ANKRD61: variants seen among roughly 807,000 people sequenced by gnomAD.
ANKRD61 encodes the protein ankyrin repeat domain 61, also known as ankyrin repeat domain-containing protein 61.
Under a neutral mutation model 8.4 loss-of-function variants are expected in ANKRD61, and 7 were observed. That is an observed-to-expected ratio of 0.84 (90% CI 0.48 to 1.57). The LOEUF is 1.57. Ranked by LOEUF, ANKRD61 falls within the 40% of genes most tolerant of loss-of-function variation. ANKRD61 has a pLI of 0.00. For missense variants in ANKRD61, 516 were observed against 523.4 expected (o/e 0.99, Z 0.14); for synonymous variants, 198 against 208.0 (o/e 0.95, Z 0.41).
chr7:6,031,496 T>G lies in ANKRD61; in HGVS notation c.121T>G (p.Cys41Gly). ...CTATGAAGCCATCATGAGAGAAGACTGCACTACGATCGAGGTACTCCTGAG... is the reference window on the plus strand; with the variant it reads ...CTATGAAGCCATCATGAGAGAAGACGGCACTACGATCGAGGTACTCCTGAG... Reference protein sequence around the residue: ...KLYEAIMREDCTTIEVLLRNH... With the variant: ...KLYEAIMREDGTTIEVLLRNH... Residue 41 changes from cysteine to glycine, a missense_variant, in exon 1 of 3, where the codon TGC (cysteine) becomes GGC (glycine). Physicochemically the swap from Cys to Gly is radical, Grantham distance 159. Coordinates refer to ENST00000409061, the MANE Select transcript of ANKRD61 (RefSeq NM_001271700.2). 1 of 1,550,720 alleles carries G rather than the reference T, an allele frequency of 6.4e-7. No homozygotes were observed. Among genetic ancestry groups the G allele is most frequent in the Non-Finnish European group, 8.7e-7 (1 of 1,147,006 alleles).
Position 6,033,918 on chromosome 7 carries a change from G to A in ANKRD61, c.314+982G>A, listed in dbSNP as rs1327710350. On this transcript the variant is annotated intron_variant, in intron 2 of 2. Coordinates refer to ENST00000409061, the MANE Select transcript of ANKRD61 (RefSeq NM_001271700.2). This position sits in a 1 kb window ranked among gnomAD's most constrained non-coding sequence, Gnocchi z 4.4. ...CTCTCCACTAGAAGGTAAGCCGCAT[G>A]AAAGAGAAGTTGACCTTGTGCACCA... Among the ~76,000 whole-genome samples, 2 of 152,142 alleles carry A rather than the reference G, an allele frequency of 1.3e-5. No individual in the cohort carries two copies. Among genetic ancestry groups the A allele is most frequent in the Admixed American group, 6.5e-5 (1 of 15,272 alleles).
Position 6,032,399 on chromosome 7 carries a change from G to T in ANKRD61, c.217-440G>T, listed in dbSNP as rs537766595. On this transcript the variant is annotated intron_variant, in intron 1 of 2. Transcript: ENST00000409061. This position sits in a 1 kb window ranked among gnomAD's most constrained non-coding sequence, Gnocchi z 4.3. ...TCTGCTAATCATAGACAGAACATAT[G>T]CTGCGTTATATTTGAAAACCCTGAA... Among the ~76,000 whole-genome samples, 48 of 152,270 alleles carry T rather than the reference G, an allele frequency of 3.2e-4. No homozygotes were observed. The highest frequency in any genetic ancestry group is 1.2e-3 in the African/African-American group (48 of 41,564).
rs746620017 is a variant in ANKRD61 at position 6,032,926 on chromosome 7, CCAGAAGT to C, written c.308_314del (p.Glu103GlyfsTer11). Reference sequence around the variant, plus strand: ...CTGCCTGTTACGGCACGGTGCTGACCCAGAAGTCAGGTAAGTTAACTCCACCGAAAAT... The same window carrying C: ...CTGCCTGTTACGGCACGGTGCTGACCCAGGTAAGTTAACTCCACCGAAAAT... On this transcript the variant is annotated frameshift_variant, in exon 2 of 3. Transcript: ENST00000409061. LOFTEE classifies it low-confidence loss of function (END_TRUNC). This position sits in a 1 kb window ranked among gnomAD's most constrained non-coding sequence, Gnocchi z 4.3. 1.6e-5 allele frequency: 25 copies of C among 1,550,034 alleles called. No individual in the cohort carries two copies. The South Asian group carries it at 3.0e-4, about 18-fold the overall frequency.
Position 6,036,429 on chromosome 7 carries a change from T to C in ANKRD61, c.*43T>C. The stretch of plus-strand genomic sequence containing the variant: ...TCACAGCAGAGGGACTTTCAGCCAC[T>C]CAAACTGCATTTTCTGGCTAGACAT... On this transcript the variant is annotated 3_prime_UTR_variant, in exon 3 of 3. Coordinates refer to ENST00000409061, the MANE Select transcript of ANKRD61 (RefSeq NM_001271700.2). This position sits in a 1 kb window ranked among gnomAD's most constrained non-coding sequence, Gnocchi z 4.6. 7.3e-7 allele frequency: 1 copy of C among 1,375,626 alleles called. No individual in the cohort carries two copies. Among genetic ancestry groups the C allele is most frequent in the Non-Finnish European group, 9.5e-7 (1 of 1,048,190 alleles). 85.2% of individuals were successfully genotyped at this position (1,375,626 alleles called of 1,614,324 possible).
At chr7:6,034,170 G>T (rs1047159255) in intron 2 of ANKRD61, among the ~76,000 whole-genome samples, 5 of 152,034 alleles carry the variant, frequency 3.3e-5, no homozygotes, top group Non-Finnish European at 7.4e-5. Context: ...AGCCAGGCGT[G>T]GTGGCGGGCG....
At position 6,031,485 on chromosome 7, in the gene ANKRD61, TGA is replaced by T. The variant is rs751430668; in HGVS notation, c.115_116del (p.Glu39ArgfsTer62). 1.8e-4 allele frequency: 279 copies of T among 1,550,596 alleles called. No individual in the cohort carries two copies. The highest frequency in any genetic ancestry group is 2.3e-4 in the Non-Finnish European group (269 of 1,147,018). On this transcript the variant is annotated frameshift_variant, in exon 1 of 3. Coordinates refer to ENST00000409061, the MANE Select transcript of ANKRD61 (RefSeq NM_001271700.2). LOFTEE classifies it high-confidence loss of function. ...CACTCGAAACTCTATGAAGCCATCA[TGA>T]GAGAAGACTGCACTACGATCGAGGT...
rs559505366 is a variant in ANKRD61 at position 6,032,929 on chromosome 7, G to T, written c.307G>T (p.Glu103Ter). 4 of 1,550,156 alleles carry T rather than the reference G, an allele frequency of 2.6e-6. No homozygotes were observed. The South Asian group carries it at 4.8e-5, about 18-fold the overall frequency. ...LCLLRHGADP[E>*]VRDTTGLTTL... ...CCTGTTACGGCACGGTGCTGACCCAGAAGTCAGGTAAGTTAACTCCACCGA... is the reference window on the plus strand; with the variant it reads ...CCTGTTACGGCACGGTGCTGACCCATAAGTCAGGTAAGTTAACTCCACCGA... The change falls in exon 2 of 3, where the codon GAA becomes TAA. Residue 103 changes from glutamate (E) to a stop codon, truncating the protein, a stop_gained. Coordinates refer to ENST00000409061, the MANE Select transcript of ANKRD61 (RefSeq NM_001271700.2). LOFTEE classifies it low-confidence loss of function (END_TRUNC). This position sits in a 1 kb window ranked among gnomAD's most constrained non-coding sequence, Gnocchi z 4.3.
At chr7:6,034,398 G>A (rs909552217) in intron 2 of ANKRD61, among the ~76,000 whole-genome samples, 2 of 151,946 alleles carry the variant, frequency 1.3e-5, no homozygotes, top group East Asian at 3.9e-4. Context: ...GCCTCTCCCT[G>A]AGCACCCCAC....
rs538106857 is a variant in ANKRD61 at position 6,036,144 on chromosome 7, T to C, written c.1015T>C (p.Tyr339His). The C allele has an allele frequency of 6.4e-7, 1 of 1,550,496 alleles. No individual in the cohort carries two copies. The highest frequency in any genetic ancestry group is 1.4e-5 in the African/African-American group (1 of 73,140). ...ALLARLLYHT[Y>H]PLRMTNNQGI... is the part of the protein sequence containing the mutation. ...TCTGGCCAGGCTACTTTATCACACT[T>C]ATCCTCTGAGAATGACCAATAACCA... The change falls in exon 3 of 3, where the codon TAT (tyrosine) becomes CAT (histidine). Residue 339 changes from tyrosine (Y) to histidine (H), a missense_variant. Coordinates refer to ENST00000409061, the MANE Select transcript of ANKRD61 (RefSeq NM_001271700.2). This position sits in a 1 kb window ranked among gnomAD's most constrained non-coding sequence, Gnocchi z 4.6.
chr7:6,035,361 A>G lies in ANKRD61; in HGVS notation c.315-83A>G. The G allele has an allele frequency of 7.9e-7, 1 of 1,266,520 alleles. No homozygotes were observed. The highest frequency in any genetic ancestry group is 1.1e-6 in the Non-Finnish European group (1 of 919,504). The allele number at this position is 1,266,520 out of a possible 1,614,324, so 78.5% of individuals were successfully genotyped here. A position where few individuals can be genotyped will look rare whatever the true frequency, so the allele number is the denominator to read the frequency against. Reference sequence around the variant, plus strand: ...TTGAAGGGTCTTACTTTAAATAAATACTGGCTTCTTAAGCATTAACTGTCC... The same window carrying G: ...TTGAAGGGTCTTACTTTAAATAAATGCTGGCTTCTTAAGCATTAACTGTCC... On this transcript the variant is annotated intron_variant, in intron 2 of 2. Coordinates refer to ENST00000409061, the MANE Select transcript of ANKRD61 (RefSeq NM_001271700.2). The surrounding 1 kb of genome is among the most constrained non-coding windows in gnomAD (Gnocchi z 5.5).
chr7:6,034,548 G>A (rs1003079897), intron 2 of ANKRD61, among the ~76,000 whole-genome samples: 20 of 151,982 alleles, frequency 1.3e-4, no homozygotes, highest in African/African-American at 4.1e-4. Flanking sequence ...GAACTCTGCC[G>A]GCTTCCACTA....
At position 6,035,363 on chromosome 7, in the gene ANKRD61, T is replaced by C. The variant is rs1400097473; in HGVS notation, c.315-81T>C. 3 of 1,280,102 alleles carry C rather than the reference T, an allele frequency of 2.3e-6. No individual in the cohort carries two copies. The African/African-American group carries it at 4.5e-5, about 19-fold the overall frequency. 79.3% of individuals were successfully genotyped at this position (1,280,102 alleles called of 1,614,324 possible). ...GAAGGGTCTTACTTTAAATAAATACTGGCTTCTTAAGCATTAACTGTCCAC... is the reference window on the plus strand; with the variant it reads ...GAAGGGTCTTACTTTAAATAAATACCGGCTTCTTAAGCATTAACTGTCCAC... On this transcript the variant is annotated intron_variant, in intron 2 of 2. Coordinates refer to ENST00000409061, the MANE Select transcript of ANKRD61 (RefSeq NM_001271700.2). This position sits in a 1 kb window ranked among gnomAD's most constrained non-coding sequence, Gnocchi z 5.5.
chr7:6,033,247 G>C lies in ANKRD61; in HGVS notation c.314+311G>C, dbSNP rs1192378655. On this transcript the variant is annotated intron_variant, in intron 2 of 2. Coordinates refer to ENST00000409061, the MANE Select transcript of ANKRD61 (RefSeq NM_001271700.2). The surrounding 1 kb of genome is among the most constrained non-coding windows in gnomAD (Gnocchi z 4.4). ...GCCTCCCAAAGTGCTGGGATTAACA[G>C]CCCTCAGCCACAGCACCCAGCTTCA... Among the ~76,000 whole-genome samples, 4 of 152,120 alleles carry C rather than the reference G, an allele frequency of 2.6e-5. No individual in the cohort carries two copies. Among genetic ancestry groups the C allele is most frequent in the Non-Finnish European group, 5.9e-5 (4 of 68,008 alleles).
At position 6,036,011 on chromosome 7, in the gene ANKRD61, C is replaced by G. The variant is rs1422892157; in HGVS notation, c.882C>G (p.Ile294Met). 24 of 1,550,928 alleles carry G rather than the reference C, an allele frequency of 1.5e-5. No individual in the cohort carries two copies. Among genetic ancestry groups the G allele is most frequent in the Non-Finnish European group, 1.9e-5 (22 of 1,147,102 alleles). Residue 294 changes from isoleucine to methionine, a missense_variant, in exon 3 of 3, where the codon ATC (isoleucine) becomes ATG (methionine). Physicochemically the swap from Ile to Met is conservative, Grantham distance 10 (BLOSUM62 1). Coordinates refer to ENST00000409061, the MANE Select transcript of ANKRD61 (RefSeq NM_001271700.2). The surrounding 1 kb of genome is among the most constrained non-coding windows in gnomAD (Gnocchi z 4.6). ...GCTTTGGAGGCAGAGAGGCAATCAT[C>G]AATCTCCTGCTTGAATTTGAAGCAA... ...EACFGGREAI[I>M]NLLLEFEANV...
rs528811710 is a variant in ANKRD61 at position 6,033,868 on chromosome 7, C to T, written c.314+932C>T. Among the ~76,000 whole-genome samples the T allele has an allele frequency of 3.1e-4, 47 of 151,872 alleles. No individual in the cohort carries two copies. The highest frequency in any genetic ancestry group is 1.1e-3 in the African/African-American group (44 of 41,434). On this transcript the variant is annotated intron_variant, in intron 2 of 2. Transcript: ENST00000409061. This position sits in a 1 kb window ranked among gnomAD's most constrained non-coding sequence, Gnocchi z 4.4. The stretch of plus-strand genomic sequence containing the variant: ...ACAGGCGTGAGCCGCCGTGCCTGGC[C>T]GACAATGGATTTTCTTGTTTATTAC...
At position 6,035,577 on chromosome 7, in the gene ANKRD61, C is replaced by G; in HGVS notation, c.448C>G (p.Arg150Gly). ...TCAGAATAGCAGCATCACATGTCTCCGCATCTTGTGTGCGCACGGAGCTCA... is the reference window on the plus strand; with the variant it reads ...TCAGAATAGCAGCATCACATGTCTCGGCATCTTGTGTGCGCACGGAGCTCA... The part of the protein sequence containing the change: ...DIQNSSITCL[R>G]ILCAHGAQVN... The change falls in exon 3 of 3, where the codon CGC (arginine) becomes GGC (glycine). Residue 150 changes from arginine (R) to glycine (G), a missense_variant. Arg to Gly is a moderately radical substitution (Grantham distance 125). Coordinates refer to ENST00000409061, the MANE Select transcript of ANKRD61 (RefSeq NM_001271700.2). This position sits in a 1 kb window ranked among gnomAD's most constrained non-coding sequence, Gnocchi z 5.5. The G allele has an allele frequency of 6.4e-7, 1 of 1,551,078 alleles. No homozygotes were observed. Among genetic ancestry groups the G allele is most frequent in the Non-Finnish European group, 8.7e-7 (1 of 1,147,112 alleles).
In ANKRD61 at chr7:6,031,416, T is replaced by C. The variant is rs992161098; in HGVS notation, c.41T>C (p.Val14Ala). 5 of 1,550,680 alleles carry C rather than the reference T, an allele frequency of 3.2e-6. No homozygotes were observed. Among genetic ancestry groups the C allele is most frequent in the African/African-American group, 2.7e-5 (2 of 73,032 alleles). Residue 14 changes from valine to alanine, a missense_variant, in exon 1 of 3, where the codon GTT (valine) becomes GCT (alanine). By Grantham distance (64) the Val-to-Ala change is moderately conservative. Transcript: ENST00000409061. The stretch of plus-strand genomic sequence containing the variant: ...AGGAAAGGAAGCAGAGACCTGGTGG[T>C]TGACAGTGCCAAGTCCCTGGAAGAT... ...ITRKGSRDLV[V>A]DSAKSLEDGP...
Position 6,035,958 on chromosome 7 carries a change from A to C in ANKRD61, c.829A>C (p.Lys277Gln), listed in dbSNP as rs1298019663. 5.2e-6 allele frequency: 8 copies of C among 1,549,656 alleles called. No homozygotes were observed. The highest frequency in any genetic ancestry group is 7.0e-6 in the Non-Finnish European group (8 of 1,146,306). Residue 277 changes from lysine to glutamine, a missense_variant, in exon 3 of 3, where the codon AAG becomes CAG. Physicochemically the swap from Lys to Gln is moderately conservative, Grantham distance 53. Coordinates refer to ENST00000409061, the MANE Select transcript of ANKRD61 (RefSeq NM_001271700.2). The surrounding 1 kb of genome is among the most constrained non-coding windows in gnomAD (Gnocchi z 5.5). ...HGAKVNAQDY[K>Q]GQTAIHEACF... Reference sequence around the variant, plus strand: ...AGCCAAAGTCAACGCCCAGGACTACAAGGGCCAAACAGCCATCCATGAGGC... The same window carrying C: ...AGCCAAAGTCAACGCCCAGGACTACCAGGGCCAAACAGCCATCCATGAGGC...
Position 6,031,537 on chromosome 7 carries a change from C to G in ANKRD61, c.162C>G (p.Asn54Lys). 1 of 1,550,802 alleles carries G rather than the reference C, an allele frequency of 6.4e-7. No homozygotes were observed. Among genetic ancestry groups the G allele is most frequent in the Non-Finnish European group, 8.7e-7 (1 of 1,147,008 alleles). ...IEVLLRNHPVNQPITILPNSA... is the reference protein window; with the variant it reads ...IEVLLRNHPVKQPITILPNSA... ...TACTCCTGAGAAATCACCCTGTCAA[C>G]CAGCCCATCACCATTCTGCCCAACT... The change falls in exon 1 of 3, where the codon AAC becomes AAG. Residue 54 changes from asparagine to lysine, a missense_variant. Coordinates refer to ENST00000409061, the MANE Select transcript of ANKRD61 (RefSeq NM_001271700.2).
Sources: allele counts gnomAD v4.1 joint callset (sites outside exome capture counted in the v4.1 genomes callset), GRCh38; gene constraint gnomAD v4.1.1; non-coding constraint Gnocchi (gnomAD v3.1); transcripts MANE v1.5; gene names NCBI Gene and HGNC (gene_info 2026-07-23, HGNC 2026-07-21).